CACNA1I: variants seen among roughly 807,000 people sequenced by gnomAD.
CACNA1I encodes calcium voltage-gated channel subunit alpha1 I, also known as voltage-dependent T-type calcium channel subunit alpha-1I.
A neutral mutation model predicts 201.6 loss-of-function variants in CACNA1I; 74 were observed. That is an observed-to-expected ratio of 0.37 (90% CI 0.30 to 0.45). The LOEUF (loss-of-function observed/expected upper bound fraction) is 0.45. Among genes scored for constraint, CACNA1I ranks in the 20% least tolerant of loss-of-function variants. The pLI is 1.00. For missense variants in CACNA1I, 2,346 were observed against 3,138.1 expected, an observed-to-expected ratio of 0.75 and a Z score of 6.03; for synonymous variants, 1,431 against 1,345.2, an observed-to-expected ratio of 1.06 and a Z score of -1.40.
chr22:39,614,057 A>G (rs1388612056), intron 3 of CACNA1I, among the ~76,000 whole-genome samples: 1 of 152,092 alleles, frequency 6.6e-6, no homozygotes, highest in South Asian at 2.1e-4. Context: ...CATGTTAGCC[A>G]GGCTGGTCTT....
chr22:39,686,140 T>A lies in CACNA1I; in HGVS notation c.6407T>A (p.Phe2136Tyr), dbSNP rs1569104290. 1 of 1,229,284 alleles carries A rather than the reference T, an allele frequency of 8.1e-7. No homozygotes were observed. The highest frequency in any genetic ancestry group is 1.0e-6 in the Non-Finnish European group (1 of 983,466). 76.1% of individuals were successfully genotyped at this position (1,229,284 alleles called of 1,614,324 possible). A position where few individuals can be genotyped will look rare whatever the true frequency, so the allele number is the denominator to read the frequency against. Residue 2136 changes from phenylalanine (F) to tyrosine (Y), a missense_variant, in exon 37 of 37, where the codon TTC becomes TAC. Phe to Tyr is a conservative substitution (Grantham distance 22). This residue lies in a region of CACNA1I where 187 missense variants were observed against 151.0 expected (regional missense o/e 1.24). Transcript: ENST00000402142. ...TLSSLSLTSL[F>Y]CPPPPPPAPG... The stretch of plus-strand genomic sequence containing the variant: ...AGCAGCCTCTCGCTCACCTCCCTCT[T>A]CTGCCCGCCGCCCCCGCCGCCAGCC...
rs1935534411 is a variant in CACNA1I, at chr22:39,677,115, A to T, written c.4855-226A>T. Among the ~76,000 whole-genome samples, 1 of 152,218 alleles carries T rather than the reference A, an allele frequency of 6.6e-6. No homozygotes were observed. The highest frequency in any genetic ancestry group is 1.5e-5 in the Non-Finnish European group (1 of 68,034). On this transcript the variant is annotated intron_variant, in intron 29 of 36. Coordinates refer to ENST00000402142, the MANE Select transcript of CACNA1I (RefSeq NM_021096.4). The surrounding 1 kb of genome is among the most constrained non-coding windows in gnomAD (Gnocchi z 4.8). ...TGCTGGAAATGGGACAGCTTGTGGTAAAGGTGGCACAAGTGTTTTCTTGTT... is the reference window on the plus strand; with the variant it reads ...TGCTGGAAATGGGACAGCTTGTGGTTAAGGTGGCACAAGTGTTTTCTTGTT...
At chr22:39,621,060 C>G (rs136803) in intron 4 of CACNA1I, among the ~76,000 whole-genome samples, 89,102 of 152,074 alleles carry the variant, frequency 0.59, 26,829 homozygotes, top group East Asian at 0.99. Flanking sequence ...ACCTGGCTGC[C>G]TGGGGCTTTT....
intron 10 of CACNA1I, among the ~76,000 whole-genome samples, chr22:39,652,733 C>T (rs1453842649): frequency 6.6e-6 from 1 of 152,108 alleles, no homozygotes; most frequent in East Asian, 1.9e-4. Flanking sequence ...AGTGGGACCC[C>T]GTCTCTGCAA....
intron 4 of CACNA1I, among the ~76,000 whole-genome samples, chr22:39,622,224 C>T (rs944255036): frequency 1.4e-4 from 22 of 152,156 alleles, no homozygotes; most frequent in African/African-American, 5.1e-4. Flanking sequence ...AGCAGGTGTA[C>T]TGAGCTGTGT....
chr22:39,592,873 A>C (rs1479363736), intron 1 of CACNA1I, among the ~76,000 whole-genome samples: 10 of 151,902 alleles, frequency 6.6e-5, no homozygotes, highest in Non-Finnish European at 1.2e-4. Flanking sequence ...CCACCCTCCT[A>C]CCCCACACTG....
rs1488148360 is a variant in CACNA1I, at chr22:39,590,396, A to C, written c.237-7755A>C. On this transcript the variant is annotated intron_variant, in intron 1 of 36. Transcript: ENST00000402142. ...TCTGAACCACAGCAGGGGCTGGAGC[A>C]TCTCTCTTCCTGACCCCACTGCATA... 2.0e-5 allele frequency among the ~76,000 whole-genome samples: 3 copies of C among 152,164 alleles called. No individual in the cohort carries two copies. In the East Asian group the frequency reaches 5.8e-4, roughly 29 times the overall value.
rs777395492 is a variant in CACNA1I at position 39,670,224 on chromosome 22, C to T, written c.4381C>T (p.Arg1461Cys). The change falls in exon 25 of 37, where the codon CGC (arginine) becomes TGC (cysteine). Residue 1461 changes from arginine (R) to cysteine (C), a missense_variant. Physicochemically the swap from Arg to Cys is radical, Grantham distance 180. Transcript: ENST00000402142. The part of the protein sequence containing the change: ...EKRLRRLEKK[R>C]RKAQRLPYYA... ...GCGGCTGCGGCGCCTGGAGAAGAAG[C>T]GCCGGAGTGAGTGGGTGCCTGTGGA... 3.5e-5 allele frequency: 56 copies of T among 1,611,888 alleles called. No individual in the cohort carries two copies. The highest frequency in any genetic ancestry group is 4.4e-5 in the Non-Finnish European group (52 of 1,179,694).
rs777838832 is a variant in CACNA1I, at chr22:39,640,891, A to C, written c.765A>C (p.Pro255=). 1 of 1,613,382 alleles carries C rather than the reference A, an allele frequency of 6.2e-7. No individual in the cohort carries two copies. The change falls in exon 6 of 37, where the codon CCA becomes CCC. Residue 255 remains proline, a synonymous_variant. Transcript: ENST00000402142. Reference sequence around the variant, plus strand: ...GACAAGGGGATGTGGCCTTGCCCCCATACTACCAGCCGGAGGAGGATGATG... The same window carrying C: ...GACAAGGGGATGTGGCCTTGCCCCCCTACTACCAGCCGGAGGAGGATGATG... The part of the protein sequence containing the change: ...FTIQGDVALP[P]YYQPEEDDEM...
At chr22:39,682,184 G>A (rs1935725333) in intron 34 of CACNA1I, among the ~76,000 whole-genome samples, 1 of 152,210 alleles carries the variant, frequency 6.6e-6, no homozygotes, top group East Asian at 1.9e-4. Context: ...CCAAGGTCAT[G>A]CTCATGGGAC....
rs969194853 is a variant in CACNA1I, at chr22:39,682,560, C to T, written c.5729C>T (p.Ser1910Phe). 1 of 1,613,792 alleles carries T rather than the reference C, an allele frequency of 6.2e-7. No homozygotes were observed. Among genetic ancestry groups the T allele is most frequent in the Non-Finnish European group, 8.5e-7 (1 of 1,179,864 alleles). ...GDLGECFFPL[S>F]STAVSPDPEN... is the part of the protein sequence containing the mutation. ...CTGGGCGAATGCTTCTTCCCCTTGTCCTCTACGGCCGTCTCGCCGGATCCA... is the reference window on the plus strand; with the variant it reads ...CTGGGCGAATGCTTCTTCCCCTTGTTCTCTACGGCCGTCTCGCCGGATCCA... Residue 1910 changes from serine (S) to phenylalanine (F), a missense_variant, in exon 35 of 37, where the codon TCC becomes TTC. This residue lies in a region of CACNA1I where 441 missense variants were observed against 555.6 expected (regional missense o/e 0.79). Transcript: ENST00000402142.
rs748340448 is a variant in CACNA1I, at chr22:39,677,960, C to G, written c.4934-27C>G. 3 of 1,564,942 alleles carry G rather than the reference C, an allele frequency of 1.9e-6. No homozygotes were observed. In the South Asian group the frequency reaches 3.5e-5, roughly 18 times the overall value. ...GCCCCGCAGGCACTCCGCCATCGGG[C>G]AGGGCTGACCTCCTCCCCGCTTCCA... On this transcript the variant is annotated intron_variant, in intron 30 of 36. Transcript: ENST00000402142. The surrounding 1 kb of genome is among the most constrained non-coding windows in gnomAD (Gnocchi z 4.8).
At chr22:39,578,441 T>C (rs950810687) in intron 1 of CACNA1I, among the ~76,000 whole-genome samples, 3 of 152,036 alleles carry the variant, frequency 2.0e-5, no homozygotes, top group African/African-American at 7.3e-5. Context: ...CTTCCATCTC[T>C]TCTTGTCTAC....
intron 4 of CACNA1I, among the ~76,000 whole-genome samples, chr22:39,624,650 G>A (rs1005219889): frequency 6.6e-6 from 1 of 152,208 alleles, no homozygotes. Context: ...GTTGGAGCAC[G>A]TGGGGCTTAA....
chr22:39,672,391 G>A (rs1214316063), intron 27 of CACNA1I, 83 bp downstream of exon 27: 3 of 927,968 alleles, frequency 3.2e-6, no homozygotes. Context: ...GAAGTCTGGA[G>A]CAGCCTGAAG....
In CACNA1I at chr22:39,686,644, ATATATATATG is replaced by A; in HGVS notation, c.*241_*250del. 6.8e-6 allele frequency: 1 copy of A among 147,834 alleles called. No individual in the cohort carries two copies. The highest frequency in any genetic ancestry group is 2.1e-4 in the South Asian group (1 of 4,670). 9.2% of individuals were successfully genotyped at this position (147,834 alleles called of 1,614,324 possible). On this transcript the variant is annotated 3_prime_UTR_variant, in exon 37 of 37. Coordinates refer to ENST00000402142, the MANE Select transcript of CACNA1I (RefSeq NM_021096.4). ...TATATATGCATATATATATATATAT[ATATATATATG>A]TGTATACACACACACATAGACAGAC...
chr22:39,587,209 G>T (rs891853315), intron 1 of CACNA1I, among the ~76,000 whole-genome samples: 1 of 152,190 alleles, frequency 6.6e-6, no homozygotes, highest in South Asian at 2.1e-4. Flanking sequence ...AATACAATGA[G>T]TTCTTATACA....
At chr22:39,613,472 C>T (rs933572669) in intron 3 of CACNA1I, among the ~76,000 whole-genome samples, 1 of 152,214 alleles carries the variant, frequency 6.6e-6, no homozygotes, top group African/African-American at 2.4e-5. Flanking sequence ...GGCTGCGATA[C>T]AATAATAGCT....
chr22:39,602,658 T>C (rs1933102503), intron 3 of CACNA1I, among the ~76,000 whole-genome samples: 1 of 152,158 alleles, frequency 6.6e-6, no homozygotes, highest in Non-Finnish European at 1.5e-5. Flanking sequence ...TTTGTGCTAT[T>C]GTAGAGTCAG....
Sources: allele counts gnomAD v4.1 joint callset (sites outside exome capture counted in the v4.1 genomes callset), GRCh38; gene constraint gnomAD v4.1.1; regional missense constraint gnomAD v4.1.1; non-coding constraint Gnocchi (gnomAD v3.1); transcripts MANE v1.5; gene names NCBI Gene and HGNC (gene_info 2026-07-23, HGNC 2026-07-21).